The following PTPRG variants were observed in gnomAD, a reference collection of about 807,000 sequenced individuals.
PTPRG encodes protein tyrosine phosphatase receptor type G.
PTPRG carries 102 observed loss-of-function variants against 165.3 expected under a neutral mutation model. The ratio of observed to expected loss-of-function variants is 0.62; its 90% CI spans 0.53 to 0.73. The LOEUF (loss-of-function observed/expected upper bound fraction) is 0.73, where lower values mean the gene tolerates loss of function less well. Ranked by LOEUF, PTPRG falls within the 30% of genes least tolerant of loss-of-function variation. The probability of loss-of-function intolerance (pLI) is 0.00; values close to 1 mark genes in which losing one functional copy is unlikely to be tolerated. For synonymous variants in PTPRG, 675 were observed against 669.5 expected, an observed-to-expected ratio of 1.01 and a Z score of -0.13; for missense variants, 1,866 against 1,861.4, an observed-to-expected ratio of 1.00 and a Z score of -0.05.
chr3:62,078,664 G>A (rs767569675), intron 5 of PTPRG, among the ~76,000 whole-genome samples: 1 of 152,076 alleles, frequency 6.6e-6, no homozygotes, highest in Non-Finnish European at 1.5e-5. Flanking sequence ...TTTCTAAAGA[G>A]ACCCCCTCTC....
intron 1 of PTPRG, among the ~76,000 whole-genome samples, chr3:61,739,684 T>G (rs1223961395): frequency 6.6e-6 from 1 of 152,218 alleles, no homozygotes; most frequent in Non-Finnish European, 1.5e-5. Context: ...TGATGGTAAT[T>G]TTAATGATGC....
chr3:62,211,648 G>A (rs375796225), intron 12 of PTPRG, among the ~76,000 whole-genome samples: 3 of 152,034 alleles, frequency 2.0e-5, no homozygotes, highest in South Asian at 2.1e-4. Context: ...TATGCATATC[G>A]TCCTTCTCTT....
At chr3:61,892,103 TAC>T (rs2038231641) in intron 2 of PTPRG, among the ~76,000 whole-genome samples, 1 of 152,248 alleles carries the variant, frequency 6.6e-6, no homozygotes, top group Admixed American at 6.5e-5. Flanking sequence ...AAGTAGTTAA[TAC>T]TGTTATCTCC....
At chr3:62,184,162 C>T (rs887527993) in intron 8 of PTPRG, among the ~76,000 whole-genome samples, 4 of 152,104 alleles carry the variant, frequency 2.6e-5, no homozygotes, top group East Asian at 1.9e-4. Flanking sequence ...GCGTTGTGTG[C>T]GGGGGATGAT....
intron 1 of PTPRG, among the ~76,000 whole-genome samples, chr3:61,685,937 C>T (rs1290357651): frequency 3.3e-5 from 5 of 152,014 alleles, no homozygotes; most frequent in African/African-American, 4.8e-5. Context: ...TTCTTATTGC[C>T]GTGTTCTCTT....
intron 1 of PTPRG, among the ~76,000 whole-genome samples, chr3:61,725,765 A>G (rs1197150215): frequency 2.0e-5 from 3 of 149,524 alleles, no homozygotes; most frequent in South Asian, 2.1e-4. Flanking sequence ...AAATGACCAC[A>G]GCACTCCCTG....
intron 4 of PTPRG, among the ~76,000 whole-genome samples, chr3:62,049,358 G>A (rs1161417594): frequency 6.6e-6 from 1 of 152,170 alleles, no homozygotes; most frequent in East Asian, 1.9e-4. Flanking sequence ...TCGCCATTTG[G>A]TATACTGGGT....
intron 14 of PTPRG, among the ~76,000 whole-genome samples, chr3:62,235,327 C>G (rs945418055): frequency 6.6e-6 from 1 of 152,156 alleles, no homozygotes. Flanking sequence ...AAGGGTGAGA[C>G]AGACACCTTA....
rs775519201 is a variant in PTPRG, at chr3:62,255,853, CTGATTT to C, written c.2559+640_2559+645del. Among the ~76,000 whole-genome samples the C allele has an allele frequency of 2.0e-5, 3 of 152,164 alleles. No individual in the cohort carries two copies. On this transcript the variant is annotated intron_variant, in intron 16 of 29. Transcript: ENST00000474889. The surrounding 1 kb of genome is among the most constrained non-coding windows in gnomAD (Gnocchi z 4.0). The stretch of plus-strand genomic sequence containing the variant: ...AGAAGACTTGGGTTAACACAGCCTT[CTGATTT>C]TAAGAACTGGTGTGTAGGAAACAAG...
chr3:62,093,787 T>A (rs1048990835), intron 5 of PTPRG, among the ~76,000 whole-genome samples: 4 of 152,194 alleles, frequency 2.6e-5, no homozygotes, highest in African/African-American at 9.6e-5. Context: ...CTGAGCTTGC[T>A]TTTCCTTTTA....
At chr3:61,650,216 A>G (rs1183694094) in intron 1 of PTPRG, among the ~76,000 whole-genome samples, 1 of 152,206 alleles carries the variant, frequency 6.6e-6, no homozygotes, top group African/African-American at 2.4e-5. Flanking sequence ...CTTTTAATAC[A>G]TAAGGGTTAC....
chr3:61,921,920 CCTTA>C (rs1293691186), intron 2 of PTPRG, among the ~76,000 whole-genome samples: 1 of 152,138 alleles, frequency 6.6e-6, no homozygotes, highest in Non-Finnish European at 1.5e-5. Flanking sequence ...GTACATGTCA[CCTTA>C]CTTGAGTTTC....
intron 12 of PTPRG, among the ~76,000 whole-genome samples, chr3:62,216,861 G>C (rs1308758997): frequency 6.6e-6 from 1 of 152,050 alleles, no homozygotes; most frequent in Non-Finnish European, 1.5e-5. Context: ...GATGGTCTCC[G>C]TGCAGAACAC....
intron 1 of PTPRG, among the ~76,000 whole-genome samples, chr3:61,708,368 C>T (rs940812802): frequency 6.6e-5 from 10 of 151,270 alleles, no homozygotes; most frequent in African/African-American, 1.9e-4. Flanking sequence ...GCACCTTTCT[C>T]ACAGCCCAAC....
At chr3:61,744,646 G>C (rs2033127450) in intron 1 of PTPRG, among the ~76,000 whole-genome samples, 1 of 152,178 alleles carries the variant, frequency 6.6e-6, no homozygotes, top group African/African-American at 2.4e-5. Context: ...TGCTCTTACA[G>C]ATAGGGGAGG....
At chr3:61,569,120 C>G (rs1020103591) in intron 1 of PTPRG, among the ~76,000 whole-genome samples, 3 of 152,046 alleles carry the variant, frequency 2.0e-5, no homozygotes, top group African/African-American at 4.8e-5. Context: ...TGAGAGTTGC[C>G]ATACTATTTT....
At chr3:61,899,779 G>A (rs1421554485) in intron 2 of PTPRG, among the ~76,000 whole-genome samples, 1 of 152,064 alleles carries the variant, frequency 6.6e-6, no homozygotes, top group Non-Finnish European at 1.5e-5. Flanking sequence ...CTGAAATGGG[G>A]CCAATGTGTC....
At chr3:62,169,027 C>T (rs563953262) in intron 8 of PTPRG, among the ~76,000 whole-genome samples, 1 of 152,284 alleles carries the variant, frequency 6.6e-6, no homozygotes, top group East Asian at 1.9e-4. Flanking sequence ...TCTCTTCTCC[C>T]TGCCACGCCA....
At position 61,602,782 on chromosome 3, in the gene PTPRG, C is replaced by T. The variant is rs897642399; in HGVS notation, c.85+40410C>T. ...TTCCTTCCCTGGGTCACTGCTTGTG[C>T]CGGCTGGTGAGAACTGATTGTTACA... On this transcript the variant is annotated intron_variant, in intron 1 of 29. Coordinates refer to ENST00000474889, the MANE Select transcript of PTPRG (RefSeq NM_002841.4). 4.6e-5 allele frequency among the ~76,000 whole-genome samples: 7 copies of T among 152,246 alleles called. No homozygotes were observed. The South Asian group carries it at 1.2e-3, about 27-fold the overall frequency.
Sources: allele counts gnomAD v4.1 joint callset (sites outside exome capture counted in the v4.1 genomes callset), GRCh38; gene constraint gnomAD v4.1.1; non-coding constraint Gnocchi (gnomAD v3.1); transcripts MANE v1.5; gene names NCBI Gene and HGNC (gene_info 2026-07-23, HGNC 2026-07-21).